DGKH: variants seen among roughly 807,000 people sequenced by gnomAD.
DGKH encodes diacylglycerol kinase eta.
DGKH carries 90 observed loss-of-function variants against 159.3 expected under a neutral mutation model. The observed-to-expected ratio is 0.57, with a 90% CI of 0.48 to 0.67. DGKH has a LOEUF of 0.67. Ranked by LOEUF, DGKH falls within the 30% of genes least tolerant of loss-of-function variation. DGKH has a pLI of 0.00. For missense variants in DGKH, 1,181 were observed against 1,506.1 expected, an observed-to-expected ratio of 0.78 and a Z score of 3.57; for synonymous variants, 536 against 553.8, an observed-to-expected ratio of 0.97 and a Z score of 0.45.
chr13:42,122,041 C>T (rs1955083561), intron 1 of DGKH, among the ~76,000 whole-genome samples: 2 of 152,126 alleles, frequency 1.3e-5, no homozygotes, highest in South Asian at 4.1e-4. Flanking sequence ...TTCCCCACTA[C>T]CCCAATTAGG....
intron 1 of DGKH, among the ~76,000 whole-genome samples, chr13:42,088,326 G>A (rs550383965): frequency 3.4e-4 from 52 of 152,058 alleles, no homozygotes; most frequent in Non-Finnish European, 6.2e-4. Context: ...AGTTCAGAGA[G>A]GAATGAAGAG....
At chr13:42,041,718 C>T (rs548173086) in intron 1 of DGKH, among the ~76,000 whole-genome samples, 3 of 152,256 alleles carry the variant, frequency 2.0e-5, no homozygotes, top group African/African-American at 7.2e-5. Flanking sequence ...GCTCTGGAAG[C>T]CTGTGTGGGC....
Position 42,229,970 on chromosome 13 carries a change from A to C in DGKH, c.*782A>C, listed in dbSNP as rs1958245559. ...CTTTGTGAAAGTGTGTCTGTGCCAT[A>C]ATCAACAAATGATATACATCACATG... is the stretch of plus-strand genomic sequence containing the variant. On this transcript the variant is annotated 3_prime_UTR_variant, in exon 30 of 30. Transcript: ENST00000337343. The C allele has an allele frequency of 6.6e-6, 1 of 152,164 alleles. No homozygotes were observed. Among genetic ancestry groups the C allele is most frequent in the Non-Finnish European group, 1.5e-5 (1 of 68,024 alleles). The allele number at this position is 152,164 out of a possible 1,614,324, so 9.4% of individuals were successfully genotyped here.
chr13:42,046,810 A>C (rs767718016), upstream of DGKH, among the ~76,000 whole-genome samples: 5 of 152,232 alleles, frequency 3.3e-5, no homozygotes, highest in Non-Finnish European at 7.3e-5. Context: ...ACATTAGAAT[A>C]CTAACCGCAT....
chr13:42,095,494 A>G (rs779589306), intron 1 of DGKH, among the ~76,000 whole-genome samples: 8 of 151,822 alleles, frequency 5.3e-5, no homozygotes, highest in Non-Finnish European at 2.9e-5. Context: ...AGTGCTTAAT[A>G]CCTATTGGTA....
intron 1 of DGKH, among the ~76,000 whole-genome samples, chr13:42,106,814 C>T (rs373701962): frequency 2.2e-4 from 34 of 152,128 alleles, no homozygotes; most frequent in East Asian, 9.7e-4. Context: ...AAGGCCGAGG[C>T]GGGTGGATCA....
intron 1 of DGKH, among the ~76,000 whole-genome samples, chr13:42,090,290 T>C (rs1954391807): frequency 6.6e-6 from 1 of 152,202 alleles, no homozygotes; most frequent in Admixed American, 6.5e-5. Flanking sequence ...GGTTTATATA[T>C]TGGGAGGAAT....
chr13:42,061,118 C>G (rs1319820917), intron 1 of DGKH, among the ~76,000 whole-genome samples: 1 of 152,076 alleles, frequency 6.6e-6, no homozygotes, highest in Non-Finnish European at 1.5e-5. Context: ...TTTTATAGTC[C>G]CGTTTGAGGA....
chr13:42,070,456 A>G (rs1882886956), intron 1 of DGKH: 3 of 1,295,848 alleles, frequency 2.3e-6, no homozygotes. Flanking sequence ...CCCACATGTC[A>G]ATGGCTTTAG....
chr13:42,043,513 A>AT (rs368214474), intron 1 of DGKH, among the ~76,000 whole-genome samples: 10 of 150,776 alleles, frequency 6.6e-5, no homozygotes, highest in East Asian at 2.0e-4. Flanking sequence ...CTCATTTTGG[A>AT]TTTTTTTTGT....
intron 7 of DGKH, among the ~76,000 whole-genome samples, chr13:42,164,124 G>A (rs2137996966): frequency 6.6e-6 from 1 of 151,886 alleles, no homozygotes; most frequent in East Asian, 1.9e-4. Context: ...TCTATGTAGT[G>A]AAAAAAGAAA....
chr13:42,048,941 T>C lies in DGKH; in HGVS notation c.168T>C (p.Ser56=), dbSNP rs1881006047. Residue 56 remains serine, a synonymous_variant, in exon 1 of 30, where the codon TCT becomes TCC. Transcript: ENST00000337343. This position sits in a 1 kb window ranked among gnomAD's most constrained non-coding sequence, Gnocchi z 6.7. ...EGPQKLIRKV[S]TSGQIRTKTS... ...CCCAGAAACTGATCCGCAAAGTGTCTACCTCGGGGCAGATCCGGACCAAGG... is the reference window on the plus strand; with the variant it reads ...CCCAGAAACTGATCCGCAAAGTGTCCACCTCGGGGCAGATCCGGACCAAGG... 1.5e-6 allele frequency: 2 copies of C among 1,318,788 alleles called. No individual in the cohort carries two copies. Among genetic ancestry groups the C allele is most frequent in the Non-Finnish European group, 9.7e-7 (1 of 1,026,674 alleles). 81.7% of individuals were successfully genotyped at this position (1,318,788 alleles called of 1,614,324 possible).
chr13:42,049,146 C>A (rs1463992102), intron 1 of DGKH, among the ~76,000 whole-genome samples, 181 bp downstream of exon 1: 3 of 37,850 alleles, frequency 7.9e-5, no homozygotes, highest in Middle Eastern at 0.043. Context: ...GATGGTGAGA[C>A]GGTGAGGCGG....
At chr13:42,086,108 G>A (rs1266165773) in intron 1 of DGKH, among the ~76,000 whole-genome samples, 3 of 152,004 alleles carry the variant, frequency 2.0e-5, no homozygotes, top group Non-Finnish European at 4.4e-5. Context: ...AGTAAAGATG[G>A]GGTTTCATCA....
At chr13:42,206,975 T>TTTTCTTTTTCTTTC (rs1555275937) in intron 21 of DGKH, among the ~76,000 whole-genome samples, 1,205 of 82,462 alleles carry the variant, frequency 0.015, 127 homozygotes, top group Admixed American at 0.021. Flanking sequence ...TACTTTTACT[T>TTTTCTTTTTCTTTC]TTTCTTTCTT....
intron 3 of DGKH, among the ~76,000 whole-genome samples, chr13:42,147,060 G>A (rs1955752860): frequency 6.6e-6 from 1 of 152,154 alleles, no homozygotes; most frequent in Non-Finnish European, 1.5e-5. Context: ...AAGGAAGGAA[G>A]GGCTAGATGA....
At chr13:42,127,711 C>T (rs999131001) in intron 2 of DGKH, 138 bp downstream of exon 2, 14 of 649,774 alleles carry the variant, frequency 2.2e-5, no homozygotes, top group Middle Eastern at 3.9e-4. Context: ...TGTGATCTAT[C>T]GGTGACCCCA....
intron 1 of DGKH, among the ~76,000 whole-genome samples, chr13:42,111,390 G>A (rs772839207): frequency 3.9e-5 from 6 of 152,106 alleles, no homozygotes; most frequent in African/African-American, 7.2e-5. Context: ...GACCAGCCTC[G>A]GCAACATGGT....
chr13:42,070,234 C>A, intron 1 of DGKH: 1 of 1,127,548 alleles, frequency 8.9e-7, no homozygotes, highest in Non-Finnish European at 1.4e-6. Flanking sequence ...TGCTTCGCGA[C>A]TAATTCCTGG....
Sources: allele counts gnomAD v4.1 joint callset (sites outside exome capture counted in the v4.1 genomes callset), GRCh38; gene constraint gnomAD v4.1.1; non-coding constraint Gnocchi (gnomAD v3.1); transcripts MANE v1.5; gene names NCBI Gene and HGNC (gene_info 2026-07-23, HGNC 2026-07-21).